The following GPHN variants were observed in gnomAD, a reference collection of about 807,000 sequenced individuals.
GPHN encodes the protein gephyrin.
GPHN carries 17 observed loss-of-function variants against 95.5 expected under a neutral mutation model. That is an observed-to-expected ratio of 0.18 (90% CI 0.12 to 0.27). The LOEUF (loss-of-function observed/expected upper bound fraction) is 0.27. Among genes scored for constraint, GPHN ranks in the 10% least tolerant of loss-of-function variants. The pLI is 1.00. For missense variants in GPHN, 660 were observed against 978.1 expected (o/e 0.67, Z 4.34); for synonymous variants, 320 against 322.5 (o/e 0.99, Z 0.08).
chr14:67,053,397 T>A (rs1220760597), intron 10 of GPHN, among the ~76,000 whole-genome samples: 1 of 151,748 alleles, frequency 6.6e-6, no homozygotes, highest in Non-Finnish European at 1.5e-5. Context: ...ACACACACCC[T>A]CGCAAGACAG....
intron 6 of GPHN, among the ~76,000 whole-genome samples, chr14:66,921,682 T>A (rs2066225122): frequency 6.6e-6 from 1 of 152,126 alleles, no homozygotes; most frequent in South Asian, 2.1e-4. Flanking sequence ...AATACCACCA[T>A]CATTCTTCAC....
intron 1 of GPHN, among the ~76,000 whole-genome samples, chr14:66,649,576 A>T (rs1418597339): frequency 6.6e-6 from 1 of 152,194 alleles, no homozygotes; most frequent in African/African-American, 2.4e-5. Context: ...TGAACTACAC[A>T]TGTGAGAGAT....
chr14:66,789,830 C>T (rs921134658), intron 3 of GPHN, among the ~76,000 whole-genome samples: 2 of 152,176 alleles, frequency 1.3e-5, no homozygotes, highest in African/African-American at 2.4e-5. Context: ...GTGCAGAGAG[C>T]TGAGTATCTT....
At chr14:67,066,694 A>C (rs946620648) in intron 11 of GPHN, among the ~76,000 whole-genome samples, 1 of 151,980 alleles carries the variant, frequency 6.6e-6, no homozygotes. Flanking sequence ...TCAATCACTG[A>C]TATCCTTTCT....
chr14:66,958,780 A>G (rs1169645440), intron 8 of GPHN, among the ~76,000 whole-genome samples: 3 of 152,190 alleles, frequency 2.0e-5, no homozygotes, highest in African/African-American at 7.2e-5. Context: ...GGATTATAGT[A>G]TTTTTAATTC....
At chr14:67,022,513 G>A (rs1445978063) in intron 9 of GPHN, among the ~76,000 whole-genome samples, 1 of 130,892 alleles carries the variant, frequency 7.6e-6, no homozygotes, top group African/African-American at 2.8e-5. Flanking sequence ...GGCCAAAAGA[G>A]AATAACTAAC....
intron 1 of GPHN, among the ~76,000 whole-genome samples, chr14:66,520,104 A>G (rs1485987644): frequency 6.6e-6 from 1 of 152,152 alleles, no homozygotes; most frequent in Non-Finnish European, 1.5e-5. Context: ...AGGTTATGCT[A>G]TATTTAATTA....
chr14:67,405,911 G>A, the GPHN span, among the ~76,000 whole-genome samples: 2 of 152,150 alleles, frequency 1.3e-5, no homozygotes, highest in African/African-American at 2.4e-5. Context: ...TTGCAGCTAC[G>A]CTGTTACTGG....
chr14:67,197,885 C>T, the GPHN span, among the ~76,000 whole-genome samples: 1 of 152,042 alleles, frequency 6.6e-6, no homozygotes, highest in Non-Finnish European at 1.5e-5. Flanking sequence ...CCTGATAGTC[C>T]CTATCATCCA....
At chr14:67,397,662 C>A in the GPHN span, 1 of 1,608,626 alleles carries the variant, frequency 6.2e-7, no homozygotes, top group South Asian at 1.1e-5. Context: ...CATCACTTAC[C>A]GGTCGGTTTT....
chr14:66,786,073 A>T (rs1470783996), intron 3 of GPHN, among the ~76,000 whole-genome samples: 2 of 151,786 alleles, frequency 1.3e-5, no homozygotes, highest in Non-Finnish European at 2.9e-5. Flanking sequence ...AAAATTGAAA[A>T]CAGGAAAACA....
chr14:67,515,349 CGCGGCGGCG>C, the GPHN span: 3 of 161,776 alleles, frequency 1.9e-5, no homozygotes, highest in African/African-American at 7.2e-5. Context: ...CGGCGTCCGC[CGCGGCGGCG>C]CGGGGTCCGG....
At chr14:67,662,844 A>G in the GPHN span, among the ~76,000 whole-genome samples, 23 of 151,118 alleles carry the variant, frequency 1.5e-4, no homozygotes, top group Non-Finnish European at 2.4e-4. Context: ...TGGAAGTGGC[A>G]ATGAGCCGAG....
chr14:67,724,659 C>A, the GPHN span: 1 of 1,179,272 alleles, frequency 8.5e-7, no homozygotes, highest in Non-Finnish European at 1.3e-6. Context: ...GGGCCTCTGT[C>A]CATATTGCTT....
intron 1 of GPHN, among the ~76,000 whole-genome samples, chr14:66,526,943 T>C (rs1042320098): frequency 4.9e-4 from 74 of 152,146 alleles, no homozygotes; most frequent in Non-Finnish European, 7.4e-5. Flanking sequence ...TTTCTTTTTT[T>C]GTTGTGTCTC....
At chr14:66,537,334 C>A (rs1049152825) in intron 1 of GPHN, among the ~76,000 whole-genome samples, 1 of 151,962 alleles carries the variant, frequency 6.6e-6, no homozygotes, top group African/African-American at 2.4e-5. Flanking sequence ...TTCTTTCCTG[C>A]CTGTATTATT....
rs1447775580 is a variant in GPHN at position 67,111,891 on chromosome 14, G to T, written c.1444G>T (p.Val482Leu). ...TGAAGAACTTGAAGTGCGAATTCTGGTGCAAGCTCGGCCAGGCCAAGATAT... is the reference window on the plus strand; with the variant it reads ...TGAAGAACTTGAAGTGCGAATTCTGTTGCAAGCTCGGCCAGGCCAAGATAT... ...GTEELEVRILVQARPGQDIRP... is the reference protein window; with the variant it reads ...GTEELEVRILLQARPGQDIRP... Residue 482 changes from valine (V) to leucine (L), a missense_variant, in exon 15 of 23, where the codon GTG (valine) becomes TTG (leucine). This residue lies in a region of GPHN where 257 missense variants were observed against 376.2 expected (regional missense o/e 0.68). Transcript: ENST00000478722. 6.2e-7 allele frequency: 1 copy of T among 1,613,450 alleles called. No individual in the cohort carries two copies. The highest frequency in any genetic ancestry group is 2.2e-5 in the East Asian group (1 of 44,874).
the GPHN span, chr14:67,302,241 A>G: frequency 8.3e-7 from 1 of 1,204,936 alleles, no homozygotes; most frequent in Non-Finnish European, 1.1e-6. Flanking sequence ...TGTGGGGGAA[A>G]TGGTCAACTT....
chr14:66,599,392 A>ATTTTTTTTT (rs765267813), intron 1 of GPHN, among the ~76,000 whole-genome samples: 9,108 of 74,068 alleles, frequency 0.12, 1,146 homozygotes, highest in African/African-American at 0.36. Context: ...TTTTTTTTGC[A>ATTTTTTTTT]TTTTTTTTTT....
Sources: gnomAD v4.1 joint callset for allele counts (sites outside exome capture counted in the v4.1 genomes callset) on GRCh38, gnomAD v4.1.1 for gene constraint, gnomAD v4.1.1 regional missense constraint, MANE v1.5 for transcripts, NCBI Gene and HGNC (gene_info 2026-07-23, HGNC 2026-07-21) for gene names.